The following TP63 variants were observed in gnomAD, a reference collection of about 807,000 sequenced individuals.
TP63 encodes the protein tumor protein p63, also known as tumor protein 63.
A neutral mutation model predicts 82.8 loss-of-function variants in TP63; 17 were observed. The ratio of observed to expected loss-of-function variants is 0.21; its 90% CI spans 0.14 to 0.31. The LOEUF is 0.31. TP63 is among the 10% of genes least tolerant of loss of function. TP63 has a pLI of 1.00. For missense variants in TP63, 648 were observed against 895.3 expected (o/e 0.72, Z 3.52); for synonymous variants, 330 against 321.7 (o/e 1.03, Z -0.28).
intron 3 of TP63, among the ~76,000 whole-genome samples, chr3:189,750,805 CTTTTAT>C (rs964525957): frequency 6.6e-6 from 1 of 151,946 alleles, no homozygotes; most frequent in African/African-American, 2.4e-5. Flanking sequence ...TGTCAAGTGC[CTTTTAT>C]TTTTATTATT....
intron 1 of TP63, among the ~76,000 whole-genome samples, chr3:189,694,011 A>T (rs760943915): frequency 3.3e-5 from 5 of 152,214 alleles, no homozygotes; most frequent in Admixed American, 6.5e-5. Context: ...TATCTAAACT[A>T]TCTGAGGTTT....
intron 1 of TP63, among the ~76,000 whole-genome samples, chr3:189,694,742 C>G (rs1475072514): frequency 7.3e-6 from 1 of 136,828 alleles, no homozygotes; most frequent in Non-Finnish European, 1.6e-5. Context: ...ACTCTTTTTT[C>G]CTCTTTTTCC....
intron 1 of TP63, among the ~76,000 whole-genome samples, chr3:189,659,250 A>G (rs1274902992): frequency 2.0e-5 from 3 of 151,880 alleles, no homozygotes; most frequent in Non-Finnish European, 4.4e-5. Flanking sequence ...TACTGTTGCC[A>G]TCTTTATGTC....
At chr3:189,880,070 T>C (rs1191430829) in intron 10 of TP63, 10 of 1,613,812 alleles carry the variant, frequency 6.2e-6, no homozygotes, top group Non-Finnish European at 8.5e-6. Flanking sequence ...GCAGTCTCCT[T>C]TCAGCCTGCT....
intron 1 of TP63, among the ~76,000 whole-genome samples, chr3:189,714,291 T>C (rs895010759): frequency 3.9e-5 from 6 of 152,210 alleles, no homozygotes; most frequent in African/African-American, 7.2e-5. Context: ...AAAGTGATCA[T>C]GTTCCCGGTG....
chr3:189,785,609 G>A (rs1724542115), intron 3 of TP63, among the ~76,000 whole-genome samples: 1 of 151,978 alleles, frequency 6.6e-6, no homozygotes, highest in Non-Finnish European at 1.5e-5. Flanking sequence ...TAAACTGAGG[G>A]ACCGGAATGA....
intron 4 of TP63, among the ~76,000 whole-genome samples, chr3:189,825,679 A>G (rs563378257): frequency 5.9e-5 from 9 of 152,326 alleles, no homozygotes; most frequent in African/African-American, 1.9e-4. Flanking sequence ...CCTTTATCAT[A>G]TATTTACACA....
At chr3:189,761,054 G>A (rs939970761) in intron 3 of TP63, among the ~76,000 whole-genome samples, 4 of 152,158 alleles carry the variant, frequency 2.6e-5, no homozygotes, top group African/African-American at 9.7e-5. Flanking sequence ...CCCTGGGCTT[G>A]CCTATGAAAG....
upstream of TP63, among the ~76,000 whole-genome samples, chr3:189,626,859 T>G (rs114452721): frequency 0.013 from 2,048 of 152,156 alleles, 55 homozygotes; most frequent in African/African-American, 0.047. Context: ...AGATGTGTGG[T>G]TTTTTTTCCA....
rs1728017203 is a variant in TP63 at position 189,815,040 on chromosome 3, C to T, written c.579+6514C>T. The stretch of plus-strand genomic sequence containing the variant: ...CAAAAATCCTCTGCTTTTCCCTTTT[C>T]TTCTTTCTCCCTATTCTTCTCCTCT... On this transcript the variant is annotated intron_variant, in intron 4 of 13. Transcript: ENST00000264731. 2.6e-5 allele frequency among the ~76,000 whole-genome samples: 4 copies of T among 152,210 alleles called. No individual in the cohort carries two copies. The South Asian group carries it at 6.2e-4, about 24-fold the overall frequency.
At chr3:189,703,923 G>A (rs1378575505) in intron 1 of TP63, among the ~76,000 whole-genome samples, 1 of 152,206 alleles carries the variant, frequency 6.6e-6, no homozygotes, top group Non-Finnish European at 1.5e-5. Context: ...TCTACAGTCA[G>A]TGAGATAGCC....
chr3:189,769,822 T>C (rs963735168), intron 3 of TP63, among the ~76,000 whole-genome samples: 4 of 152,326 alleles, frequency 2.6e-5, no homozygotes, highest in African/African-American at 9.6e-5. Context: ...AATGCTAATT[T>C]GTTTTCAGAA....
intron 1 of TP63, among the ~76,000 whole-genome samples, chr3:189,674,309 A>G (rs1715197221): frequency 6.6e-6 from 1 of 152,112 alleles, no homozygotes; most frequent in Non-Finnish European, 1.5e-5. Flanking sequence ...CATATCTCCA[A>G]AACCACAGTC....
chr3:189,806,643 G>T (rs1726942515), intron 3 of TP63, among the ~76,000 whole-genome samples: 1 of 152,140 alleles, frequency 6.6e-6, no homozygotes, highest in South Asian at 2.1e-4. Context: ...GTGGGTAAGT[G>T]GTGGATAGCA....
chr3:189,808,164 G>A (rs1560204031), intron 3 of TP63, 108 bp from the exon 4 acceptor site: 4 of 1,584,904 alleles, frequency 2.5e-6, no homozygotes, highest in Non-Finnish European at 3.5e-6. Flanking sequence ...AAGTGCTTCC[G>A]ACGTGAGGTC....
At position 189,889,476 on chromosome 3, in the gene TP63, C is replaced by T. The variant is rs763019843; in HGVS notation, c.1644C>T (p.Ser548=). 9 of 1,614,092 alleles carry T rather than the reference C, an allele frequency of 5.6e-6. No homozygotes were observed. Among genetic ancestry groups the T allele is most frequent in the Non-Finnish European group, 4.2e-6 (5 of 1,180,036 alleles). Residue 548 remains serine, a synonymous_variant, in exon 12 of 14, where the codon AGC becomes AGT. Coordinates refer to ENST00000264731, the MANE Select transcript of TP63 (RefSeq NM_003722.5). ...CACCTCCGTATCCCACAGATTGCAG[C>T]ATTGTCAGGTGAGTCCACAGCATGT... ...TPPPPYPTDC[S]IVSFLARLGC...
chr3:189,661,644 A>T (rs1413214552), intron 1 of TP63, among the ~76,000 whole-genome samples: 1 of 151,936 alleles, frequency 6.6e-6, no homozygotes, highest in Non-Finnish European at 1.5e-5. Context: ...GTTTTGATAG[A>T]ATTGGTACCT....
At chr3:189,771,523 T>TA (rs1243776493) in intron 3 of TP63, among the ~76,000 whole-genome samples, 1 of 146,478 alleles carries the variant, frequency 6.8e-6, no homozygotes, top group Non-Finnish European at 1.5e-5. Flanking sequence ...ATAATATAGC[T>TA]ATGTGTGGAG....
intron 1 of TP63, among the ~76,000 whole-genome samples, chr3:189,686,599 TAAATA>T (rs1716457024): frequency 6.9e-6 from 1 of 144,118 alleles, no homozygotes; most frequent in Non-Finnish European, 1.5e-5. Context: ...AATAAATAAA[TAAATA>T]AATAAATAAT....
Sources: gnomAD v4.1 joint callset for allele counts (sites outside exome capture counted in the v4.1 genomes callset) on GRCh38, gnomAD v4.1.1 for gene constraint, MANE v1.5 for transcripts, NCBI Gene and HGNC (gene_info 2026-07-23, HGNC 2026-07-21) for gene names.